Variants in RPS6KA2 observed in about 807,000 individuals in gnomAD.
RPS6KA2 encodes the protein ribosomal protein S6 kinase A2.
A neutral mutation model predicts 91.8 loss-of-function variants in RPS6KA2; 42 were observed. The ratio of observed to expected loss-of-function variants is 0.46; its 90% CI spans 0.36 to 0.59. The LOEUF is 0.59. Among genes scored for constraint, RPS6KA2 ranks in the 20% least tolerant of loss-of-function variants. The probability of loss-of-function intolerance (pLI) is 0.00; values close to 1 mark genes in which losing one functional copy is unlikely to be tolerated. For synonymous variants in RPS6KA2, 414 were observed against 393.6 expected (o/e 1.05, Z -0.61); for missense variants, 798 against 978.5 (o/e 0.82, Z 2.46).
chr6:166,675,449 C>T (rs964852684), intron 2 of RPS6KA2, among the ~76,000 whole-genome samples: 2 of 152,222 alleles, frequency 1.3e-5, no homozygotes, highest in African/African-American at 4.8e-5. Context: ...CACAGTCGTA[C>T]CTGCAAAGGT....
At chr6:166,588,677 C>G (rs533191955) in intron 1 of RPS6KA2, among the ~76,000 whole-genome samples, 1 of 152,222 alleles carries the variant, frequency 6.6e-6, no homozygotes, top group Non-Finnish European at 1.5e-5. Flanking sequence ...CGTCTGATCT[C>G]AACTCCAGAA....
chr6:166,716,701 C>T (rs1583045498), intron 2 of RPS6KA2, among the ~76,000 whole-genome samples: 1 of 152,186 alleles, frequency 6.6e-6, no homozygotes, highest in East Asian at 1.9e-4. Context: ...ATAGTTAAAT[C>T]CCTCATTATA....
At position 166,770,337 on chromosome 6, in the gene RPS6KA2, C is replaced by T. The variant is rs75100233; in HGVS notation, c.123+87863G>A. Among the ~76,000 whole-genome samples the T allele has an allele frequency of 0.036, 5,492 of 152,244 alleles. 340 individuals carry two copies. Among genetic ancestry groups the T allele is most frequent in the African/African-American group, 0.12 (5,103 of 41,510 alleles). Reference sequence around the variant, plus strand: ...TCCATCTAAAATTATCTATTTTAGTCCTAATTCCTAGAAAAGCTGTTGCTG... The same window carrying T: ...TCCATCTAAAATTATCTATTTTAGTTCTAATTCCTAGAAAAGCTGTTGCTG... On this transcript the variant is annotated intron_variant, in intron 2 of 21. Transcript: ENST00000503859. The surrounding 1 kb of genome is among the most constrained non-coding windows in gnomAD (Gnocchi z 5.1).
intron 2 of RPS6KA2, among the ~76,000 whole-genome samples, chr6:166,721,295 A>C (rs1306919009): frequency 3.9e-5 from 6 of 152,188 alleles, no homozygotes; most frequent in Non-Finnish European, 7.3e-5. Flanking sequence ...TGCAGCCTCC[A>C]ACAAGAGAGG....
chr6:166,631,404 C>G (rs1484764378), upstream of RPS6KA2, among the ~76,000 whole-genome samples: 1 of 152,192 alleles, frequency 6.6e-6, no homozygotes, highest in Non-Finnish European at 1.5e-5. Context: ...TCCTCCCTCC[C>G]CGCTGGAGCC....
At position 166,470,368 on chromosome 6, in the gene RPS6KA2, G is replaced by A. The variant is rs564016500; in HGVS notation, c.908-463C>T. Among the ~76,000 whole-genome samples, 276 of 152,300 alleles carry A rather than the reference G, an allele frequency of 1.8e-3. 1 individual carries two copies. The highest frequency in any genetic ancestry group is 6.1e-3 in the African/African-American group (254 of 41,556). On this transcript the variant is annotated intron_variant, in intron 10 of 20. Coordinates refer to ENST00000265678, the MANE Select transcript of RPS6KA2 (RefSeq NM_021135.6). ...GGATTCCAGGAAATGAAGAGGAGTT[G>A]ACAGGACTGAGTCCCGGAGGAAGCC...
chr6:166,469,990 G>C (rs956046191), intron 10 of RPS6KA2, 85 bp from the exon 11 acceptor site: 26 of 1,257,200 alleles, frequency 2.1e-5, no homozygotes, highest in Middle Eastern at 1.9e-4. Flanking sequence ...TGGAGGGTGG[G>C]GATGTGCAGA....
chr6:166,627,498 T>G (rs1487344881), upstream of RPS6KA2: 1 of 151,482 alleles, frequency 6.6e-6, no homozygotes, highest in Non-Finnish European at 1.5e-5. Context: ...CGCCCTGTGG[T>G]TCCAGGTGCC....
Position 166,559,039 on chromosome 6 carries a change from G to A in RPS6KA2, c.100-20255C>T, listed in dbSNP as rs150545362. 1.3e-3 allele frequency among the ~76,000 whole-genome samples: 201 copies of A among 152,354 alleles called. 4 individuals are homozygous for A. Among genetic ancestry groups the A allele is most frequent in the African/African-American group, 2.2e-3 (90 of 41,580 alleles). ...TTTTTGCCATTTAAAATAAAGGCAT[G>A]TGGGCTCCTGATATTCATAAACTTG... On this transcript the variant is annotated intron_variant, in intron 1 of 20. Coordinates refer to ENST00000265678, the MANE Select transcript of RPS6KA2 (RefSeq NM_021135.6).
In RPS6KA2 at chr6:166,469,881, T is replaced by A. The variant is rs753174588; in HGVS notation, c.932A>T (p.Glu311Val). 6.2e-7 allele frequency: 1 copy of A among 1,614,166 alleles called. No individual in the cohort carries two copies. Among genetic ancestry groups the A allele is most frequent in the Admixed American group, 1.7e-5 (1 of 60,028 alleles). Residue 311 changes from glutamate to valine, a missense_variant, in exon 11 of 21, where the codon GAA becomes GTA. By Grantham distance (121) the Glu-to-Val change is moderately radical (BLOSUM62 -2). Coordinates refer to ENST00000265678, the MANE Select transcript of RPS6KA2 (RefSeq NM_021135.6). Reference sequence around the variant, plus strand: ...CACAAAGAAGGGATGGCGCTTAATTTCCTCCACTCCGTCAATGCCAGCACC... The same window carrying A: ...CACAAAGAAGGGATGGCGCTTAATTACCTCCACTCCGTCAATGCCAGCACC... ...RLGAGIDGVE[E>V]IKRHPFFVTI...
At chr6:166,748,150 G>T (rs1218070792) in intron 2 of RPS6KA2, among the ~76,000 whole-genome samples, 6 of 152,178 alleles carry the variant, frequency 3.9e-5, no homozygotes, top group Non-Finnish European at 1.5e-5. Context: ...CATGCGAAGA[G>T]ATTACTTCTG....
intron 2 of RPS6KA2, among the ~76,000 whole-genome samples, chr6:166,690,875 T>C (rs79226015): frequency 3.3e-5 from 5 of 152,158 alleles, no homozygotes; most frequent in African/African-American, 1.2e-4. Context: ...AGGCATGCTG[T>C]GGACAGGTGT....
chr6:166,856,022 T>A (rs574883719), intron 2 of RPS6KA2, among the ~76,000 whole-genome samples: 5 of 152,312 alleles, frequency 3.3e-5, no homozygotes, highest in Admixed American at 2.0e-4. Context: ...TAGATTCACA[T>A]CTAGATTTCC....
intron 2 of RPS6KA2, among the ~76,000 whole-genome samples, chr6:166,833,235 T>G (rs1780232014): frequency 6.6e-6 from 1 of 152,220 alleles, no homozygotes; most frequent in Non-Finnish European, 1.5e-5. Flanking sequence ...GAAACCATTC[T>G]TAGCCAACAA....
chr6:166,593,863 A>G (rs1437802694), intron 1 of RPS6KA2, among the ~76,000 whole-genome samples: 1 of 152,246 alleles, frequency 6.6e-6, no homozygotes, highest in Non-Finnish European at 1.5e-5. Flanking sequence ...TGATAAAATG[A>G]TATCAAAAAT....
chr6:166,789,894 A>G (rs535559440), intron 2 of RPS6KA2, among the ~76,000 whole-genome samples: 2 of 152,362 alleles, frequency 1.3e-5, no homozygotes, highest in East Asian at 3.9e-4. Flanking sequence ...AAAAGTAGAT[A>G]AAACCACAAA....
rs147115712 is a variant in RPS6KA2 at position 166,752,978 on chromosome 6, G to A, written c.123+105222C>T. ...GTGAAACGCAGGGCCCATTCCTACC[G>A]ACTATAAGCAATTTATTCTGTGGGT... is the stretch of plus-strand genomic sequence containing the variant. On this transcript the variant is annotated intron_variant, in intron 2 of 21. Coordinates refer to the RPS6KA2 transcript ENST00000503859. Among the ~76,000 whole-genome samples the A allele has an allele frequency of 3.7e-3, 570 of 152,280 alleles. 3 individuals carry two copies. The highest frequency in any genetic ancestry group is 6.1e-3 in the Admixed American group (93 of 15,290).
intron 2 of RPS6KA2, among the ~76,000 whole-genome samples, chr6:166,783,610 ATATG>A (rs1313054981): frequency 6.6e-6 from 1 of 152,164 alleles, no homozygotes; most frequent in African/African-American, 2.4e-5. Flanking sequence ...AACTACATAT[ATATG>A]TACACATATC....
chr6:166,826,027 G>A (rs912362521), intron 2 of RPS6KA2, among the ~76,000 whole-genome samples: 3 of 152,206 alleles, frequency 2.0e-5, no homozygotes, highest in Admixed American at 6.5e-5. Context: ...ACAACAATGA[G>A]TCATTAGAAA....
Sources: gnomAD v4.1 joint callset for allele counts (sites outside exome capture counted in the v4.1 genomes callset) on GRCh38, gnomAD v4.1.1 for gene constraint, Gnocchi (gnomAD v3.1) non-coding constraint, MANE v1.5 for transcripts, NCBI Gene and HGNC (gene_info 2026-07-23, HGNC 2026-07-21) for gene names.